The following FRAS1 variants were observed in gnomAD, a reference collection of about 807,000 sequenced individuals.
FRAS1 encodes the protein extracellular matrix organizing protein FRAS1.
In FRAS1, 290 loss-of-function variants were observed where a neutral mutation model predicts 435.2. The ratio of observed to expected loss-of-function variants is 0.67; its 90% CI spans 0.61 to 0.73. FRAS1 has a LOEUF of 0.73. Among genes scored for constraint, FRAS1 ranks in the 30% least tolerant of loss-of-function variants. FRAS1 has a pLI of 0.00. For synonymous variants in FRAS1, 1,800 were observed against 1,851.0 expected (o/e 0.97, Z 0.71); for missense variants, 4,860 against 5,001.5 (o/e 0.97, Z 0.85).
chr4:78,338,151 C>G lies in FRAS1; in HGVS notation c.2422+334C>G, dbSNP rs75521140. ...CTGAAAATAAGTCACTCCAAGCCTT[C>G]CTTTCTCTTGTCTGCATTTTGTCCT... On this transcript the variant is annotated intron_variant, in intron 20 of 73. Coordinates refer to ENST00000512123, the MANE Select transcript of FRAS1 (RefSeq NM_025074.7). 1.3e-3 allele frequency: 276 copies of G among 206,624 alleles called. 1 individual carries two copies. Among genetic ancestry groups the G allele is most frequent in the African/African-American group, 6.0e-3 (259 of 43,182 alleles). The allele number at this position is 206,624 out of a possible 1,614,324, so 12.8% of individuals were successfully genotyped here.
intron 2 of FRAS1, among the ~76,000 whole-genome samples, chr4:78,225,169 A>T (rs1724217197): frequency 6.6e-6 from 1 of 152,206 alleles, no homozygotes; most frequent in Non-Finnish European, 1.5e-5. Context: ...AAGGAATCTC[A>T]GATGTGTTAT....
At position 78,428,902 on chromosome 4, in the gene FRAS1, A is replaced by G. The variant is rs193263762; in HGVS notation, c.4712-193A>G. On this transcript the variant is annotated intron_variant, in intron 35 of 73. Transcript: ENST00000512123. ...ATCCATAGAAAAAAGAATAGCTCAC[A>G]GTATCTTGCTTGCTTACTTTCTTCA... Among the ~76,000 whole-genome samples, 530 of 152,278 alleles carry G rather than the reference A, an allele frequency of 3.5e-3. 3 individuals are homozygous for G. Among genetic ancestry groups the G allele is most frequent in the African/African-American group, 0.012 (499 of 41,552 alleles).
At chr4:78,307,560 C>T (rs533182343) in intron 14 of FRAS1, among the ~76,000 whole-genome samples, 1 of 152,328 alleles carries the variant, frequency 6.6e-6, no homozygotes, top group South Asian at 2.1e-4. Flanking sequence ...TCTCCTGGTG[C>T]GCCGTTTTTT....
intron 66 of FRAS1, 94 bp from the exon 67 acceptor site, chr4:78,519,237 A>G: frequency 6.5e-6 from 7 of 1,078,912 alleles, no homozygotes; most frequent in Non-Finnish European, 9.0e-6. Context: ...GTGTGACTAC[A>G]TGGGTGAATG....
intron 49 of FRAS1, among the ~76,000 whole-genome samples, chr4:78,464,844 T>C (rs1193252013): frequency 1.3e-5 from 2 of 152,244 alleles, no homozygotes; most frequent in African/African-American, 2.4e-5. Context: ...ACAATACTTT[T>C]AACATGCTGA....
intron 20 of FRAS1, among the ~76,000 whole-genome samples, chr4:78,356,206 G>A (rs1218245383): frequency 2.0e-5 from 3 of 152,160 alleles, no homozygotes; most frequent in Non-Finnish European, 4.4e-5. Context: ...GTTGGAAATT[G>A]TCACACATGC....
chr4:78,422,115 G>T, intron 34 of FRAS1, 115 bp downstream of exon 34: 3 of 1,114,000 alleles, frequency 2.7e-6, no homozygotes, highest in Admixed American at 2.7e-5. Context: ...CTGCTTTCTA[G>T]CTATTCAAAA....
At chr4:78,138,854 A>T (rs1332429005) in intron 2 of FRAS1, among the ~76,000 whole-genome samples, 2 of 151,986 alleles carry the variant, frequency 1.3e-5, no homozygotes, top group Admixed American at 6.6e-5. Flanking sequence ...TGTAGCTTTA[A>T]TTTTTTTTAA....
intron 54 of FRAS1, among the ~76,000 whole-genome samples, chr4:78,475,811 G>C (rs1447206896): frequency 6.6e-6 from 1 of 152,214 alleles, no homozygotes; most frequent in Non-Finnish European, 1.5e-5. Context: ...AACTGCCAAA[G>C]GGGAAGTTGT....
intron 56 of FRAS1, among the ~76,000 whole-genome samples, chr4:78,480,681 T>C (rs139943871): frequency 1.4e-4 from 22 of 152,334 alleles, no homozygotes; most frequent in African/African-American, 5.1e-4. Context: ...TCACATGGTA[T>C]TTCAGAGACT....
chr4:78,369,099 G>A (rs1398143406), intron 22 of FRAS1, among the ~76,000 whole-genome samples: 2 of 152,282 alleles, frequency 1.3e-5, no homozygotes, highest in East Asian at 3.9e-4. Flanking sequence ...TAGAAATATT[G>A]GCATTTGTGG....
intron 27 of FRAS1, among the ~76,000 whole-genome samples, chr4:78,381,948 C>T (rs1405972883): frequency 2.0e-5 from 3 of 152,078 alleles, no homozygotes; most frequent in South Asian, 2.1e-4. Flanking sequence ...TGGTAGAAAC[C>T]CATGGAAAAT....
intron 2 of FRAS1, among the ~76,000 whole-genome samples, chr4:78,074,847 T>A (rs1740554442): frequency 6.6e-6 from 1 of 152,184 alleles, no homozygotes; most frequent in African/African-American, 2.4e-5. Flanking sequence ...TCCTTTTATC[T>A]TTTAACCGAT....
chr4:78,086,644 A>C (rs1173460036), intron 2 of FRAS1, among the ~76,000 whole-genome samples: 5 of 151,856 alleles, frequency 3.3e-5, no homozygotes, highest in Non-Finnish European at 2.9e-5. Context: ...AATACTATAA[A>C]CACCTCTACA....
intron 2 of FRAS1, among the ~76,000 whole-genome samples, chr4:78,120,377 C>T (rs2109962421): frequency 6.6e-6 from 1 of 152,232 alleles, no homozygotes; most frequent in Middle Eastern, 3.4e-3. Context: ...TTAGAGTTGT[C>T]CAAGAAATAG....
intron 10 of FRAS1, 90 bp from the exon 11 acceptor site, chr4:78,281,308 G>C (rs1204022086): frequency 1.2e-6 from 1 of 844,118 alleles, no homozygotes; most frequent in Non-Finnish European, 1.8e-6. Context: ...TGTTCCTTGG[G>C]AAAAATGGAT....
At chr4:78,284,369 T>C in intron 12 of FRAS1, 36 bp from the exon 13 acceptor site, 4 of 1,608,410 alleles carry the variant, frequency 2.5e-6, no homozygotes, top group Non-Finnish European at 3.4e-6. Flanking sequence ...TAGATGGAGT[T>C]CACAGAGTTC....
chr4:78,115,559 A>C (rs1356769633), intron 2 of FRAS1, among the ~76,000 whole-genome samples: 1 of 152,054 alleles, frequency 6.6e-6, no homozygotes, highest in Non-Finnish European at 1.5e-5. Context: ...TGGTCTTGGG[A>C]GGGTGTATGT....
At chr4:78,261,867 G>A (rs1342499620) in intron 6 of FRAS1, among the ~76,000 whole-genome samples, 1 of 152,078 alleles carries the variant, frequency 6.6e-6, no homozygotes, top group East Asian at 1.9e-4. Flanking sequence ...CTTTTCTCTT[G>A]TTAATCTGCC....
Sources: allele counts gnomAD v4.1 joint callset (sites outside exome capture counted in the v4.1 genomes callset), GRCh38; gene constraint gnomAD v4.1.1; transcripts MANE v1.5; gene names NCBI Gene and HGNC (gene_info 2026-07-23, HGNC 2026-07-21).